MYO3B: variants seen among roughly 807,000 people sequenced by gnomAD.
MYO3B encodes the protein myosin IIIB.
Under a neutral mutation model 174.6 loss-of-function variants are expected in MYO3B, and 156 were observed. The ratio of observed to expected loss-of-function variants is 0.89; its 90% CI spans 0.78 to 1.02. The LOEUF (loss-of-function observed/expected upper bound fraction) is 1.02. MYO3B is among the 50% of genes least tolerant of loss of function. The probability of loss-of-function intolerance (pLI) is 0.00; values close to 1 mark genes in which losing one functional copy is unlikely to be tolerated. For missense variants in MYO3B, 1,632 were observed against 1,639.4 expected, an observed-to-expected ratio of 1.00 and a Z score of 0.08; for synonymous variants, 563 against 569.1, an observed-to-expected ratio of 0.99 and a Z score of 0.15.
At chr2:170,242,059 T>C (rs2093140407) in intron 7 of MYO3B, among the ~76,000 whole-genome samples, 2 of 152,128 alleles carry the variant, frequency 1.3e-5, no homozygotes, top group Non-Finnish European at 2.9e-5. Context: ...TGAAGTGTAA[T>C]GAGTGAGGGG....
At chr2:170,592,937 T>C (rs1465719094) in intron 32 of MYO3B, among the ~76,000 whole-genome samples, 2 of 151,656 alleles carry the variant, frequency 1.3e-5, no homozygotes, top group African/African-American at 4.9e-5. Context: ...TCTAGATATC[T>C]AGATCTATAT....
At chr2:170,524,518 CTG>C (rs1380231097) in intron 30 of MYO3B, 1 of 448,778 alleles carries the variant, frequency 2.2e-6, no homozygotes, top group Non-Finnish European at 4.5e-6. Flanking sequence ...GAGTTTCACT[CTG>C]TTGCTCAGGC....
At chr2:170,421,037 G>A (rs2094611113) in intron 22 of MYO3B, among the ~76,000 whole-genome samples, 1 of 152,104 alleles carries the variant, frequency 6.6e-6, no homozygotes, top group Non-Finnish European at 1.5e-5. Context: ...CCATTTGGTT[G>A]GCACCTCTTT....
intron 32 of MYO3B, among the ~76,000 whole-genome samples, chr2:170,583,410 A>G (rs958575815): frequency 5.3e-5 from 8 of 152,138 alleles, no homozygotes; most frequent in African/African-American, 1.9e-4. Flanking sequence ...TGGCCACATC[A>G]AAATCTCTAG....
At chr2:170,563,119 TAC>T (rs56807707) in intron 32 of MYO3B, among the ~76,000 whole-genome samples, 3,087 of 109,456 alleles carry the variant, frequency 0.028, 59 homozygotes, top group African/African-American at 0.061. Context: ...CTCTCACACA[TAC>T]ACACACACAC....
intron 20 of MYO3B, 33 bp from the exon 21 acceptor site, chr2:170,405,512 C>T (rs2094503883): frequency 1.2e-6 from 2 of 1,601,952 alleles, no homozygotes; most frequent in Non-Finnish European, 1.7e-6. Context: ...AAATAATTCA[C>T]ATTGTAACTC....
chr2:170,234,187 ACAAAAC>A lies in MYO3B; in HGVS notation c.604-1803_604-1798del, dbSNP rs1559322046. Among the ~76,000 whole-genome samples the A allele has an allele frequency of 4.7e-4, 14 of 29,956 alleles. 2 individuals are homozygous for A. Among genetic ancestry groups the A allele is most frequent in the African/African-American group, 8.4e-4 (4 of 4,772 alleles). The allele number at this position is 29,956 out of a possible 152,430, so 19.7% of individuals were successfully genotyped here. A position where few individuals can be genotyped will look rare whatever the true frequency, so the allele number is the denominator to read the frequency against. ...CTCCGTCTCAAAAAAAAAAAAAAAA[ACAAAAC>A]AAAACAAAAAAAAAACACCTGTTTC... On this transcript the variant is annotated intron_variant, in intron 6 of 34. Transcript: ENST00000408978.
chr2:170,192,676 A>T (rs2092555188), intron 1 of MYO3B, among the ~76,000 whole-genome samples: 1 of 151,440 alleles, frequency 6.6e-6, no homozygotes, highest in Non-Finnish European at 1.5e-5. Flanking sequence ...TTTGCTTGGT[A>T]AAACGTTTAA....
chr2:170,397,062 G>A lies in MYO3B; in HGVS notation c.1792-3126G>A, dbSNP rs111950811. 3.9e-3 allele frequency among the ~76,000 whole-genome samples: 598 copies of A among 152,158 alleles called. 4 individuals are homozygous for A. Among genetic ancestry groups the A allele is most frequent in the African/African-American group, 0.013 (529 of 41,498 alleles). Reference sequence around the variant, plus strand: ...AACGAGGTGCTGTCATGTTAAATCCGAGCAAGTCCCAGAAAACCTACTTAG... The same window carrying A: ...AACGAGGTGCTGTCATGTTAAATCCAAGCAAGTCCCAGAAAACCTACTTAG... On this transcript the variant is annotated intron_variant, in intron 16 of 34. Transcript: ENST00000408978.
chr2:170,595,139 T>G (rs1415013546), intron 32 of MYO3B, among the ~76,000 whole-genome samples: 1 of 152,140 alleles, frequency 6.6e-6, no homozygotes, highest in African/African-American at 2.4e-5. Context: ...AAGTTTTGAT[T>G]TCTGTAAAAT....
At chr2:170,600,593 C>T (rs976097001) in intron 32 of MYO3B, among the ~76,000 whole-genome samples, 19 of 152,244 alleles carry the variant, frequency 1.2e-4, no homozygotes, top group Admixed American at 2.0e-4. Context: ...AGTCTCATTT[C>T]CTGAGCAGTC....
At chr2:170,218,790 A>G (rs1433166746) in intron 6 of MYO3B, among the ~76,000 whole-genome samples, 1 of 151,382 alleles carries the variant, frequency 6.6e-6, no homozygotes, top group East Asian at 1.9e-4. Context: ...TCCTTCTCCC[A>G]TTATTATTAT....
chr2:170,396,187 A>G (rs2094441283), intron 16 of MYO3B, among the ~76,000 whole-genome samples: 1 of 152,270 alleles, frequency 6.6e-6, no homozygotes, highest in Non-Finnish European at 1.5e-5. Flanking sequence ...CAGCGTAGCA[A>G]GATTCTGCAG....
chr2:170,398,120 G>A (rs2094451565), intron 16 of MYO3B, among the ~76,000 whole-genome samples: 1 of 151,550 alleles, frequency 6.6e-6, no homozygotes, highest in African/African-American at 2.4e-5. Flanking sequence ...CTACTCAGGA[G>A]GCTGAGGCAG....
chr2:170,580,617 G>A (rs140245961), intron 32 of MYO3B, among the ~76,000 whole-genome samples: 299 of 152,188 alleles, frequency 2.0e-3, no homozygotes, highest in African/African-American at 6.8e-3. Flanking sequence ...CAGCCAGGGT[G>A]ACAGAGCGAG....
intron 22 of MYO3B, among the ~76,000 whole-genome samples, chr2:170,440,798 G>GTTTTT (rs745789992): frequency 7.1e-5 from 7 of 99,112 alleles, no homozygotes; most frequent in Admixed American, 1.1e-4. Context: ...TTGGGTGTTG[G>GTTTTT]TTTTTTTTTT....
chr2:170,251,580 A>G (rs912418962), intron 7 of MYO3B, among the ~76,000 whole-genome samples: 1 of 152,172 alleles, frequency 6.6e-6, no homozygotes, highest in Non-Finnish European at 1.5e-5. Context: ...TAATTTAGAC[A>G]CAGAGACAGA....
intron 8 of MYO3B, among the ~76,000 whole-genome samples, chr2:170,343,030 AACACACAC>A (rs56221872): frequency 0.011 from 1,548 of 135,740 alleles, 15 homozygotes; most frequent in African/African-American, 0.021. Flanking sequence ...TCGGGCCTCT[AACACACAC>A]ACACACACAC....
chr2:170,215,238 C>T (rs1007044806), intron 5 of MYO3B, among the ~76,000 whole-genome samples: 1 of 152,142 alleles, frequency 6.6e-6, no homozygotes, highest in Non-Finnish European at 1.5e-5. Context: ...TCCCAGGGAG[C>T]AGAAGGTAAA....
Sources: gnomAD v4.1 joint callset for allele counts (sites outside exome capture counted in the v4.1 genomes callset) on GRCh38, gnomAD v4.1.1 for gene constraint, MANE v1.5 for transcripts, NCBI Gene and HGNC (gene_info 2026-07-23, HGNC 2026-07-21) for gene names.